The following PGM1 variants were observed in gnomAD, a reference collection of about 807,000 sequenced individuals.
PGM1 encodes phosphoglucomutase 1, also known as phosphoglucomutase-1.
Under a neutral mutation model 55.6 loss-of-function variants are expected in PGM1, and 52 were observed. The observed-to-expected ratio is 0.94, with a 90% confidence interval of 0.75 to 1.18. The LOEUF (loss-of-function observed/expected upper bound fraction) is 1.18, where lower values mean the gene tolerates loss of function less well. Among genes scored for constraint, PGM1 ranks in the 50% most tolerant of loss-of-function variants. PGM1 has a pLI of 0.00. For synonymous variants in PGM1, 287 were observed against 271.7 expected (o/e 1.06, Z -0.55); for missense variants, 724 against 729.3 (o/e 0.99, Z 0.08).
At chr1:63,629,149 C>T (rs532670863) in intron 1 of PGM1, among the ~76,000 whole-genome samples, 4 of 152,264 alleles carry the variant, frequency 2.6e-5, no homozygotes, top group Admixed American at 2.0e-4. Context: ...GCTGTGTTTT[C>T]ATGCTGGAGC....
intron 1 of PGM1, among the ~76,000 whole-genome samples, chr1:63,601,954 G>GGAAATAA (rs1648255878): frequency 6.6e-6 from 1 of 152,128 alleles, no homozygotes; most frequent in Non-Finnish European, 1.5e-5. Flanking sequence ...GGAAAATTAT[G>GGAAATAA]TTTTCATATT....
chr1:63,658,409 T>G (rs1039833727), intron 10 of PGM1, among the ~76,000 whole-genome samples: 5 of 151,818 alleles, frequency 3.3e-5, no homozygotes, highest in Non-Finnish European at 7.4e-5. Context: ...TTTTTTTTTT[T>G]TTCTTTAAGC....
intron 1 of PGM1, among the ~76,000 whole-genome samples, chr1:63,603,613 A>G (rs1252374913): frequency 6.6e-6 from 1 of 152,216 alleles, no homozygotes; most frequent in Non-Finnish European, 1.5e-5. Context: ...ATTAACTATC[A>G]TCTAGTTAAT....
intron 1 of PGM1, among the ~76,000 whole-genome samples, chr1:63,618,989 G>A (rs1448221289): frequency 2.0e-5 from 3 of 152,098 alleles, no homozygotes; most frequent in East Asian, 1.9e-4. Flanking sequence ...TAGCTGTCAC[G>A]GACTCTCACA....
At chr1:63,594,104 T>C in intron 1 of PGM1, 1 of 1,018,432 alleles carries the variant, frequency 9.8e-7, no homozygotes, top group Non-Finnish European at 1.2e-6. Flanking sequence ...CCTTGGAAGA[T>C]ACGATTACGG....
At position 63,648,576 on chromosome 1, in the gene PGM1, C is replaced by G. The variant is rs766113334; in HGVS notation, c.1204C>G (p.Leu402Val). Residue 402 changes from leucine (L) to valine (V), a missense_variant, in exon 8 of 11, where the codon CTA (leucine) becomes GTA (valine). By Grantham distance (32) the Leu-to-Val change is conservative. Around this residue, in one of 3 missense-constraint regions of PGM1, gnomAD observed 316 missense variants for 313.1 expected, o/e 1.01. Coordinates refer to ENST00000371084, the MANE Select transcript of PGM1 (RefSeq NM_002633.3). The stretch of plus-strand genomic sequence containing the variant: ...GGCTGTCCTTGCCTGGCTCTCCATC[C>G]TAGCCACCCGCAAGCAGAGTGTGGA... Reference protein sequence around the residue: ...LWAVLAWLSILATRKQSVEDI... With the variant: ...LWAVLAWLSIVATRKQSVEDI... The G allele has an allele frequency of 1.8e-5, 29 of 1,613,958 alleles. No individual in the cohort carries two copies. In the East Asian group the frequency reaches 5.6e-4, roughly 31 times the overall value.
intron 1 of PGM1, among the ~76,000 whole-genome samples, chr1:63,621,912 T>A (rs1478092612): frequency 6.6e-6 from 1 of 152,136 alleles, no homozygotes; most frequent in Admixed American, 6.5e-5. Flanking sequence ...ACAGCGGCAT[T>A]CTTGACAGAG....
At chr1:63,611,433 G>GCCGGTGACTCA (rs958180088) in intron 1 of PGM1, among the ~76,000 whole-genome samples, 2 of 152,088 alleles carry the variant, frequency 1.3e-5, no homozygotes, top group Non-Finnish European at 2.9e-5. Context: ...GAGGGAGGCC[G>GCCGGTGACTCA]CCGGTGACTC....
chr1:63,596,254 CTTTTTTT>C (rs531673796), intron 1 of PGM1, among the ~76,000 whole-genome samples: 10 of 111,330 alleles, frequency 9.0e-5, no homozygotes, highest in African/African-American at 3.2e-4. Flanking sequence ...TTTTCTTCTT[CTTTTTTT>C]TTTTTTTTTT....
At chr1:63,657,620 C>T (rs558056113) in intron 10 of PGM1, among the ~76,000 whole-genome samples, 3 of 152,308 alleles carry the variant, frequency 2.0e-5, no homozygotes, top group African/African-American at 4.8e-5. Context: ...ACCCATTGAA[C>T]AGCACCTCCC....
intron 7 of PGM1, among the ~76,000 whole-genome samples, chr1:63,641,816 C>A (rs1273776038): frequency 6.6e-6 from 1 of 152,168 alleles, no homozygotes; most frequent in African/African-American, 2.4e-5. Context: ...CCTCGAGCCT[C>A]CCGTAGAGCC....
At chr1:63,654,304 G>GA (rs759432372) in intron 9 of PGM1, 28 bp from the exon 10 acceptor site, 32 of 1,612,592 alleles carry the variant, frequency 2.0e-5, no homozygotes, top group Non-Finnish European at 2.5e-5. Flanking sequence ...AGCATTTGGG[G>GA]AAAAAAATCT....
chr1:63,650,483 G>A (rs893100774), intron 8 of PGM1, among the ~76,000 whole-genome samples: 1 of 152,170 alleles, frequency 6.6e-6, no homozygotes, highest in African/African-American at 2.4e-5. Flanking sequence ...GGAAAGAGCT[G>A]ACTTTAAGAT....
intron 1 of PGM1, among the ~76,000 whole-genome samples, chr1:63,596,750 A>G (rs1648085276): frequency 1.3e-5 from 2 of 152,216 alleles, no homozygotes; most frequent in South Asian, 4.1e-4. Context: ...AGATAATTCT[A>G]GAATATATAT....
chr1:63,623,516 C>T (rs1244473146), intron 1 of PGM1: 5 of 1,612,592 alleles, frequency 3.1e-6, no homozygotes, highest in African/African-American at 1.3e-5. Flanking sequence ...GAAGAAGGTC[C>T]TCTCCCTCTG....
intron 1 of PGM1, among the ~76,000 whole-genome samples, chr1:63,608,034 AGTT>A (rs764425057): frequency 1.3e-5 from 2 of 152,248 alleles, no homozygotes; most frequent in Non-Finnish European, 2.9e-5. Context: ...CAGTAAAAAC[AGTT>A]ACCCACTAAA....
In PGM1 at chr1:63,648,598, TG is replaced by T; in HGVS notation, c.1228del (p.Glu410ArgfsTer32). 1.2e-6 allele frequency: 2 copies of T among 1,614,144 alleles called. No individual in the cohort carries two copies. Among genetic ancestry groups the T allele is most frequent in the Non-Finnish European group, 1.7e-6 (2 of 1,179,982 alleles). Reference protein sequence around the residue: ...LSILATRKQSVEDILKDHWQK... With the variant: ...LSILATRKQSXEDILKDHWQK... The stretch of plus-strand genomic sequence containing the variant: ...ATCCTAGCCACCCGCAAGCAGAGTG[TG>T]GAGGACATTCTCAAAGATCATTGGC... On this transcript the variant is annotated frameshift_variant, in exon 8 of 11. Transcript: ENST00000371084. LOFTEE classifies it high-confidence loss of function.
chr1:63,659,519 G>A (rs774579598), intron 10 of PGM1, 67 bp from the exon 11 acceptor site: 71 of 1,297,976 alleles, frequency 5.5e-5, no homozygotes, highest in East Asian at 4.8e-4. Flanking sequence ...TCAGACGTAC[G>A]GGTTTGGAGC....
At chr1:63,659,079 A>T (rs1168841953) in intron 10 of PGM1, among the ~76,000 whole-genome samples, 2 of 152,102 alleles carry the variant, frequency 1.3e-5, no homozygotes, top group African/African-American at 2.4e-5. Flanking sequence ...CTCCCACAAC[A>T]CTTGGGAATT....
Sources: allele counts gnomAD v4.1 joint callset (sites outside exome capture counted in the v4.1 genomes callset), GRCh38; gene constraint gnomAD v4.1.1; regional missense constraint gnomAD v4.1.1; transcripts MANE v1.5; gene names NCBI Gene and HGNC (gene_info 2026-07-23, HGNC 2026-07-21).